Variants in SDHA observed in about 807,000 individuals in gnomAD.
SDHA encodes the protein succinate dehydrogenase [ubiquinone] flavoprotein subunit, mitochondrial.
A neutral mutation model predicts 78.4 loss-of-function variants in SDHA; 48 were observed. The ratio of observed to expected loss-of-function variants is 0.61; its 90% CI spans 0.49 to 0.78. The LOEUF is 0.78. Ranked by LOEUF, SDHA falls within the 30% of genes least tolerant of loss-of-function variation. The pLI is 0.00. For missense variants in SDHA, 680 were observed against 892.7 expected (o/e 0.76, Z 3.04); for synonymous variants, 326 against 353.9 (o/e 0.92, Z 0.88).
intron 11 of SDHA, among the ~76,000 whole-genome samples, chr5:247,204 T>C (rs1293461285): frequency 6.6e-6 from 1 of 152,258 alleles, no homozygotes; most frequent in African/African-American, 2.4e-5. Flanking sequence ...TTTAATATGC[T>C]TATTAATGTG....
At chr5:249,111 G>A in intron 11 of SDHA, 1 of 433,964 alleles carries the variant, frequency 2.3e-6, no homozygotes. Flanking sequence ...GCCAGGAACT[G>A]GAGTGCTTGA....
chr5:227,615 G>A (rs1394380917), intron 5 of SDHA: 1 of 178,342 alleles, frequency 5.6e-6, no homozygotes, highest in Non-Finnish European at 1.2e-5. Flanking sequence ...TTACAAGAGC[G>A]ACTTGTGCTG....
chr5:228,373 G>A, intron 6 of SDHA, 40 bp downstream of exon 6: 1 of 1,580,238 alleles, frequency 6.3e-7, no homozygotes, highest in Non-Finnish European at 8.7e-7. Flanking sequence ...TTATAAAAAT[G>A]AATAAATTTC....
intron 1 of SDHA, among the ~76,000 whole-genome samples, chr5:219,649 A>G (rs1400900720): frequency 1.3e-5 from 2 of 152,120 alleles, no homozygotes; most frequent in African/African-American, 4.8e-5. Context: ...CCCCTGCCGC[A>G]TCTTGGGCTT....
chr5:227,583 CAT>C (rs1261006353), intron 5 of SDHA: 2 of 170,104 alleles, frequency 1.2e-5, no homozygotes, highest in South Asian at 1.4e-4. Context: ...CAGGAGCTGT[CAT>C]GTGGGGAGCT....
intron 9 of SDHA, chr5:235,813 C>G (rs568526238): frequency 8.6e-5 from 24 of 279,642 alleles, no homozygotes; most frequent in Non-Finnish European, 1.6e-4. Flanking sequence ...CTGCCGTGCT[C>G]CTGGGTCTGA....
At chr5:236,285 A>C (rs1242923935) in intron 9 of SDHA, 143 bp from the exon 10 acceptor site, 7 of 797,132 alleles carry the variant, frequency 8.8e-6, no homozygotes, top group Non-Finnish European at 1.5e-5. Flanking sequence ...CAGCCTCCCA[A>C]AGTGCTGAGA....
At position 251,360 on chromosome 5, in the gene SDHA, G is replaced by C. The variant is rs1579438828; in HGVS notation, c.1686G>C (p.Leu562=). ...FDRGMVWNTD[L]VETLELQNLM... ...CAGGAATGGTCTGGAACACGGACCTGGTGGAGACCCTGGAGCTGCAGAACC... is the reference window on the plus strand; with the variant it reads ...CAGGAATGGTCTGGAACACGGACCTCGTGGAGACCCTGGAGCTGCAGAACC... Residue 562 remains leucine (L), a synonymous_variant, in exon 13 of 15, where the codon CTG becomes CTC. Coordinates refer to ENST00000264932, the MANE Select transcript of SDHA (RefSeq NM_004168.4). 6.2e-7 allele frequency: 1 copy of C among 1,613,646 alleles called. No individual in the cohort carries two copies. Among genetic ancestry groups the C allele is most frequent in the Middle Eastern group, 1.7e-4 (1 of 6,028 alleles).
intron 10 of SDHA, among the ~76,000 whole-genome samples, chr5:238,480 C>T (rs1177617484): frequency 2.0e-5 from 3 of 149,944 alleles, no homozygotes; most frequent in East Asian, 1.9e-4. Context: ...CTCCCTCTGT[C>T]GCCCAGGCTG....
chr5:266,423 A>G, the SDHA span, among the ~76,000 whole-genome samples: 62 of 152,194 alleles, frequency 4.1e-4, no homozygotes, highest in African/African-American at 1.4e-3. Flanking sequence ...ACCCAAAACA[A>G]ACCTTCAGAC....
rs1414822948 is a variant in SDHA at position 251,702 on chromosome 5, A to G, written c.1794+234A>G. 4.1e-6 allele frequency: 6 copies of G among 1,473,206 alleles called. No individual in the cohort carries two copies. The East Asian group carries it at 1.7e-4, about 42-fold the overall frequency. 91.3% of individuals were successfully genotyped at this position (1,473,206 alleles called of 1,614,324 possible). On this transcript the variant is annotated intron_variant, in intron 13 of 14. Transcript: ENST00000264932. ...ACTGATGCCAGCAGTGGCATCTCCA[A>G]GCCAATGTGCTTTGCTGTTAGAAGG... is the stretch of plus-strand genomic sequence containing the variant.
At chr5:230,836 T>TG (rs772805237) in intron 6 of SDHA, 40 bp from the exon 7 acceptor site, 2 of 1,613,042 alleles carry the variant, frequency 1.2e-6, no homozygotes, top group Non-Finnish European at 1.7e-6. Context: ...GGTCCAGATG[T>TG]GGGCCGCTGT....
At position 218,434 on chromosome 5, in the gene SDHA, G is replaced by C. The variant is rs1252759825; in HGVS notation, c.63+16G>C. 1.4e-6 allele frequency: 2 copies of C among 1,394,774 alleles called. No individual in the cohort carries two copies. The highest frequency in any genetic ancestry group is 1.8e-6 in the Non-Finnish European group (2 of 1,083,476). The allele number at this position is 1,394,774 out of a possible 1,614,324, so 86.4% of individuals were successfully genotyped here. On this transcript the variant is annotated intron_variant, in intron 1 of 14. Coordinates refer to ENST00000264932, the MANE Select transcript of SDHA (RefSeq NM_004168.4). Reference sequence around the variant, plus strand: ...GGCCAAGGCGGTGAGTCCGTGCCGCGGACCGGGGCGGGGCAGGCGGGGGCC... The same window carrying C: ...GGCCAAGGCGGTGAGTCCGTGCCGCCGACCGGGGCGGGGCAGGCGGGGGCC...
chr5:245,572 C>G (rs1262288478), intron 11 of SDHA, among the ~76,000 whole-genome samples: 3 of 152,156 alleles, frequency 2.0e-5, no homozygotes, highest in African/African-American at 7.2e-5. Context: ...TTGTGCTGCC[C>G]CTACTCGAGA....
intron 11 of SDHA, among the ~76,000 whole-genome samples, chr5:248,875 A>G (rs558112243): frequency 1.3e-5 from 2 of 152,328 alleles, no homozygotes; most frequent in South Asian, 2.1e-4. Context: ...AAGGGTTCCT[A>G]TTATCTGGAA....
At chr5:243,296 ATGT>A (rs552852031) in intron 11 of SDHA, among the ~76,000 whole-genome samples, 1 of 152,164 alleles carries the variant, frequency 6.6e-6, no homozygotes, top group Non-Finnish European at 1.5e-5. Context: ...CTGTTAAAGA[ATGT>A]TGTTGTTTCC....
At chr5:221,815 C>G (rs9312978) in intron 1 of SDHA, among the ~76,000 whole-genome samples, 19,622 of 152,016 alleles carry the variant, frequency 0.13, 1,326 homozygotes, top group Admixed American at 0.17. Flanking sequence ...GGGTTAGTGT[C>G]CTTTTCGCCA....
chr5:268,150 A>G, the SDHA span, among the ~76,000 whole-genome samples: 1 of 151,576 alleles, frequency 6.6e-6, no homozygotes, highest in African/African-American at 2.4e-5. Context: ...ATCCATTTGT[A>G]CATTCATATG....
At chr5:244,138 G>A (rs1365416697) in intron 11 of SDHA, among the ~76,000 whole-genome samples, 1 of 151,956 alleles carries the variant, frequency 6.6e-6, no homozygotes, top group Admixed American at 6.6e-5. Context: ...GGGCATTTCC[G>A]GCTCAGGCCA....
Sources: gnomAD v4.1 joint callset for allele counts (sites outside exome capture counted in the v4.1 genomes callset) on GRCh38, gnomAD v4.1.1 for gene constraint, MANE v1.5 for transcripts, NCBI Gene and HGNC (gene_info 2026-07-23, HGNC 2026-07-21) for gene names.